DLGAP3: variants seen among roughly 807,000 people sequenced by gnomAD.
The protein encoded by DLGAP3 is DLG associated protein 3, also known as disks large-associated protein 3.
A neutral mutation model predicts 81.2 loss-of-function variants in DLGAP3; 17 were observed. The observed-to-expected ratio is 0.21, with a 90% CI of 0.14 to 0.31. The LOEUF (loss-of-function observed/expected upper bound fraction) is 0.31, where lower values mean the gene tolerates loss of function less well. Ranked by LOEUF, DLGAP3 falls within the 10% of genes least tolerant of loss-of-function variation. DLGAP3 has a pLI of 1.00. For synonymous variants in DLGAP3, 577 were observed against 587.4 expected, an observed-to-expected ratio of 0.98 and a Z score of 0.26; for missense variants, 1,124 against 1,388.0, an observed-to-expected ratio of 0.81 and a Z score of 3.02.
intron 5 of DLGAP3, among the ~76,000 whole-genome samples, chr1:34,897,470 A>G (rs1639396548): frequency 6.6e-6 from 1 of 152,162 alleles, no homozygotes; most frequent in South Asian, 2.1e-4. Context: ...GGTAGTGGCA[A>G]ATGCAAGGGC....
chr1:34,899,771 A>G (rs1359631803), intron 4 of DLGAP3, 30 bp from the exon 5 acceptor site: 2 of 1,603,038 alleles, frequency 1.2e-6, no homozygotes, highest in African/African-American at 1.3e-5. Context: ...CGGAGTCAGA[A>G]CAGTGGACTG....
chr1:34,922,957 A>T (rs1281188280), intron 1 of DLGAP3, among the ~76,000 whole-genome samples: 1 of 146,570 alleles, frequency 6.8e-6, no homozygotes, highest in African/African-American at 2.5e-5. Flanking sequence ...AAAAATCGTC[A>T]TTTTTTTTTT....
chr1:34,870,632 A>G (rs1638966029), intron 8 of DLGAP3, among the ~76,000 whole-genome samples: 1 of 152,194 alleles, frequency 6.6e-6, no homozygotes, highest in African/African-American at 2.4e-5. Flanking sequence ...GCAGTCTCCA[A>G]CGAGCCCTAT....
chr1:34,893,731 G>A (rs929656709), intron 5 of DLGAP3, among the ~76,000 whole-genome samples: 1 of 152,132 alleles, frequency 6.6e-6, no homozygotes, highest in Non-Finnish European at 1.5e-5. Context: ...GTAATTCCTA[G>A]TGCAATCACT....
At position 34,904,262 on chromosome 1, in the gene DLGAP3, C is replaced by G. The variant is rs1437201366; in HGVS notation, c.1107+15G>C. On this transcript the variant is annotated intron_variant, in intron 3 of 11. Coordinates refer to ENST00000373347, the MANE Select transcript of DLGAP3 (RefSeq NM_001080418.3). The surrounding 1 kb of genome is among the most constrained non-coding windows in gnomAD (Gnocchi z 8.1). The stretch of plus-strand genomic sequence containing the variant: ...AGGCTAAGGACTCTGTTCCCCAACC[C>G]CAAAAAAGCCTCACCTGCAGATAGT... 6.2e-7 allele frequency: 1 copy of G among 1,601,158 alleles called. No individual in the cohort carries two copies. The highest frequency in any genetic ancestry group is 1.7e-5 in the Admixed American group (1 of 60,026).
chr1:34,896,476 T>C (rs1400282259), intron 5 of DLGAP3, among the ~76,000 whole-genome samples: 3 of 151,770 alleles, frequency 2.0e-5, no homozygotes, highest in African/African-American at 7.3e-5. Context: ...GTAATCCCAG[T>C]TATTCGGGAG....
rs1429198718 is a variant in DLGAP3 at position 34,868,631 on chromosome 1, G to A, written c.2459C>T (p.Ala820Val). 7 of 1,612,822 alleles carry A rather than the reference G, an allele frequency of 4.3e-6. No individual in the cohort carries two copies. Among genetic ancestry groups the A allele is most frequent in the East Asian group, 2.2e-5 (1 of 44,894 alleles). The change falls in exon 9 of 12, where the codon GCG (alanine) becomes GTG (valine). Residue 820 changes from alanine (A) to valine (V), a missense_variant. By Grantham distance (64) the Ala-to-Val change is moderately conservative. Coordinates refer to ENST00000373347, the MANE Select transcript of DLGAP3 (RefSeq NM_001080418.3). The surrounding 1 kb of genome is among the most constrained non-coding windows in gnomAD (Gnocchi z 7.5). ...CTCCTCGGGTAGCTCATAGTCCTCC[G>A]CCTCACGCTCCATCTGCTGGCACCA... Reference protein sequence around the residue: ...EHWCQQMEREAEDYELPEEIL... With the variant: ...EHWCQQMEREVEDYELPEEIL...
Position 34,900,314 on chromosome 1 carries a change from G to A in DLGAP3, c.1108-41C>T, listed in dbSNP as rs371086240. On this transcript the variant is annotated intron_variant, in intron 3 of 11. Coordinates refer to ENST00000373347, the MANE Select transcript of DLGAP3 (RefSeq NM_001080418.3). The surrounding 1 kb of genome is among the most constrained non-coding windows in gnomAD (Gnocchi z 5.6). ...TCTCTGTCTCTCAGACATGACCCTAGTAAATCTAGAGGCCAGGACTCTTTC... is the reference window on the plus strand; with the variant it reads ...TCTCTGTCTCTCAGACATGACCCTAATAAATCTAGAGGCCAGGACTCTTTC... 29 of 1,597,732 alleles carry A rather than the reference G, an allele frequency of 1.8e-5. No individual in the cohort carries two copies. The highest frequency in any genetic ancestry group is 2.1e-5 in the Non-Finnish European group (25 of 1,167,342).
At chr1:34,884,060 A>C (rs1639183863) in intron 8 of DLGAP3, among the ~76,000 whole-genome samples, 1 of 152,012 alleles carries the variant, frequency 6.6e-6, no homozygotes, top group Non-Finnish European at 1.5e-5. Flanking sequence ...CTGAGACTAC[A>C]GGAGTGTGCC....
chr1:34,914,088 T>C lies in DLGAP3; in HGVS notation c.-134-6651A>G, dbSNP rs150762216. Among the ~76,000 whole-genome samples the C allele has an allele frequency of 4.5e-3, 677 of 151,810 alleles. 5 individuals are homozygous for C. Among genetic ancestry groups the C allele is most frequent in the African/African-American group, 0.015 (633 of 41,372 alleles). On this transcript the variant is annotated intron_variant, in intron 1 of 11. Coordinates refer to ENST00000373347, the MANE Select transcript of DLGAP3 (RefSeq NM_001080418.3). Reference sequence around the variant, plus strand: ...TGGGCTGCAGGAGCAGGGTTCGGGGTCTACCACCCAGCCCCACATAGGTCT... The same window carrying C: ...TGGGCTGCAGGAGCAGGGTTCGGGGCCTACCACCCAGCCCCACATAGGTCT...
chr1:34,918,238 G>C (rs1354232953), intron 1 of DLGAP3, among the ~76,000 whole-genome samples: 1 of 152,188 alleles, frequency 6.6e-6, no homozygotes, highest in African/African-American at 2.4e-5. Context: ...ACTGACACAG[G>C]GAGAGAGGAG....
At chr1:34,885,212 C>A (rs1639201454) in intron 7 of DLGAP3, 149 bp from the exon 8 acceptor site, 4 of 845,848 alleles carry the variant, frequency 4.7e-6, no homozygotes, top group South Asian at 4.6e-5. Context: ...CCCAGGCGGT[C>A]GGTCACAGGC....
rs776113566 is a variant in DLGAP3 at position 34,904,658 on chromosome 1, G to A, written c.726C>T (p.Ser242=). ...CATCCCCCTTGCGGTCCTTGCTCTT[G>A]CTCCTCTTGCCGTGCCGGGACTGGT... ...HHHQSRHGKR[S]KSKDRKGDGR... The change falls in exon 3 of 12, where the codon AGC becomes AGT. Residue 242 remains serine (S), a synonymous_variant. Coordinates refer to ENST00000373347, the MANE Select transcript of DLGAP3 (RefSeq NM_001080418.3). This position sits in a 1 kb window ranked among gnomAD's most constrained non-coding sequence, Gnocchi z 8.1. 6.2e-7 allele frequency: 1 copy of A among 1,614,166 alleles called. No individual in the cohort carries two copies. The highest frequency in any genetic ancestry group is 8.5e-7 in the Non-Finnish European group (1 of 1,180,036).
chr1:34,872,559 A>G (rs1332929680), intron 8 of DLGAP3, among the ~76,000 whole-genome samples: 2 of 152,228 alleles, frequency 1.3e-5, no homozygotes, highest in African/African-American at 4.8e-5. Flanking sequence ...GAACCCAGGA[A>G]TATGTTACCT....
chr1:34,880,011 C>T (rs957158128), intron 8 of DLGAP3, among the ~76,000 whole-genome samples: 6 of 152,036 alleles, frequency 3.9e-5, no homozygotes, highest in Non-Finnish European at 5.9e-5. Flanking sequence ...TTTTCAAAGA[C>T]GAATAAAATG....
At chr1:34,893,587 A>G (rs1639345428) in intron 5 of DLGAP3, among the ~76,000 whole-genome samples, 3 of 152,236 alleles carry the variant, frequency 2.0e-5, no homozygotes, top group Admixed American at 6.5e-5. Context: ...ATGTTGGTTT[A>G]TAACAAGTGT....
chr1:34,908,679 T>G (rs376477994), intron 1 of DLGAP3, among the ~76,000 whole-genome samples: 3 of 152,230 alleles, frequency 2.0e-5, no homozygotes, highest in South Asian at 2.1e-4. Flanking sequence ...AGGAAGAACT[T>G]CCTGACCCTG....
rs1416552808 is a variant in DLGAP3 at position 34,906,017 on chromosome 1, TA to T, written c.-51-584del. ...CAGAGCGAGACCTGGCCTCTAAATT[TA>T]TATATATATATATATTTGTTTGTTT... On this transcript the variant is annotated intron_variant, in intron 2 of 11. Coordinates refer to ENST00000373347, the MANE Select transcript of DLGAP3 (RefSeq NM_001080418.3). 4.9e-3 allele frequency among the ~76,000 whole-genome samples: 196 copies of T among 40,000 alleles called. 19 individuals are homozygous for T. Among genetic ancestry groups the T allele is most frequent in the African/African-American group, 0.022 (175 of 7,960 alleles). 26.2% of individuals were successfully genotyped at this position (40,000 alleles called of 152,430 possible). A position where few individuals can be genotyped will look rare whatever the true frequency, so the allele number is the denominator to read the frequency against.
intron 8 of DLGAP3, among the ~76,000 whole-genome samples, chr1:34,883,779 T>C (rs1271101651): frequency 6.6e-6 from 1 of 151,706 alleles, no homozygotes; most frequent in East Asian, 1.9e-4. Context: ...GTGAATCCCA[T>C]AGGAACACCA....
Sources: gnomAD v4.1 joint callset for allele counts (sites outside exome capture counted in the v4.1 genomes callset) on GRCh38, gnomAD v4.1.1 for gene constraint, Gnocchi (gnomAD v3.1) non-coding constraint, MANE v1.5 for transcripts, NCBI Gene and HGNC (gene_info 2026-07-23, HGNC 2026-07-21) for gene names.